The following C8orf34 variants were observed in gnomAD, a reference collection of about 807,000 sequenced individuals.
The protein encoded by C8orf34 is chromosome 8 open reading frame 34.
A neutral mutation model predicts 68.3 loss-of-function variants in C8orf34; 65 were observed. The observed-to-expected ratio is 0.95, with a 90% CI of 0.78 to 1.17. The LOEUF is 1.17. C8orf34 is among the 50% of genes most tolerant of loss of function. The probability of loss-of-function intolerance (pLI) is 0.00; values close to 1 mark genes in which losing one functional copy is unlikely to be tolerated. For missense variants in C8orf34, 664 were observed against 655.4 expected (o/e 1.01, Z -0.14); for synonymous variants, 244 against 241.2 (o/e 1.01, Z -0.11).
intron 7 of C8orf34, among the ~76,000 whole-genome samples, chr8:68,632,590 G>T (rs1389340594): frequency 6.6e-6 from 1 of 151,982 alleles, no homozygotes; most frequent in Non-Finnish European, 1.5e-5. Context: ...TACCTCCAGG[G>T]CATGTCAGAG....
At chr8:68,687,232 A>G (rs1820546612) in intron 8 of C8orf34, among the ~76,000 whole-genome samples, 2 of 151,884 alleles carry the variant, frequency 1.3e-5, no homozygotes, top group South Asian at 4.1e-4. Context: ...ATTCAAATAT[A>G]TTATTTTTCA....
chr8:68,749,862 G>A (rs564570137), intron 10 of C8orf34, among the ~76,000 whole-genome samples: 10 of 152,200 alleles, frequency 6.6e-5, no homozygotes, highest in East Asian at 1.9e-4. Context: ...CATTTTGTAC[G>A]TCTGTTCATG....
intron 4 of C8orf34, among the ~76,000 whole-genome samples, chr8:68,472,206 C>T (rs944341222): frequency 2.6e-5 from 4 of 152,092 alleles, no homozygotes; most frequent in Admixed American, 6.6e-5. Context: ...ACGAAGTAGG[C>T]ATAGTGGGTT....
intron 7 of C8orf34, among the ~76,000 whole-genome samples, chr8:68,592,352 G>C (rs1286160013): frequency 6.6e-6 from 1 of 151,812 alleles, no homozygotes; most frequent in East Asian, 1.9e-4. Flanking sequence ...TAAAGATCTT[G>C]GGCTTTTTCA....
chr8:68,411,380 C>A (rs6999119), intron 1 of C8orf34, among the ~76,000 whole-genome samples: 7,135 of 152,108 alleles, frequency 0.047, 497 homozygotes, highest in African/African-American at 0.14. Context: ...TGAAAACAAG[C>A]AGATAGGATT....
chr8:68,721,284 C>A, intron 9 of C8orf34, 77 bp from the exon 10 acceptor site: 3 of 921,676 alleles, frequency 3.3e-6, no homozygotes, highest in Non-Finnish European at 5.0e-6. Flanking sequence ...TTATTCTTCT[C>A]ACAACAGGTT....
chr8:68,479,820 T>A (rs1586226465), intron 4 of C8orf34, among the ~76,000 whole-genome samples: 1 of 152,162 alleles, frequency 6.6e-6, no homozygotes, highest in East Asian at 1.9e-4. Context: ...GAGAAATGAA[T>A]GCGCTGGTTA....
At chr8:68,787,593 T>C in intron 12 of C8orf34, 57 bp downstream of exon 12, 1 of 1,252,370 alleles carries the variant, frequency 8.0e-7, no homozygotes, top group South Asian at 1.4e-5. Flanking sequence ...AAATCCACAA[T>C]AAAGCTATTT....
chr8:68,549,184 CA>C (rs1815983660), intron 7 of C8orf34, among the ~76,000 whole-genome samples: 1 of 151,686 alleles, frequency 6.6e-6, no homozygotes, highest in South Asian at 2.1e-4. Flanking sequence ...ACCATTTTGG[CA>C]CCTTGATTTT....
chr8:68,511,246 T>A (rs77025954), intron 5 of C8orf34, among the ~76,000 whole-genome samples: 8,343 of 152,262 alleles, frequency 0.055, 244 homozygotes, highest in Middle Eastern at 0.12. Context: ...ATGGTGCGCC[T>A]CGTGGATGGA....
chr8:68,645,760 C>T (rs1819150952), intron 8 of C8orf34, among the ~76,000 whole-genome samples: 1 of 152,082 alleles, frequency 6.6e-6, no homozygotes, highest in African/African-American at 2.4e-5. Flanking sequence ...CCATCAACGA[C>T]CTAGTTAATG....
At chr8:68,516,379 T>C (rs1814514013) in intron 5 of C8orf34, among the ~76,000 whole-genome samples, 1 of 152,206 alleles carries the variant, frequency 6.6e-6, no homozygotes. Flanking sequence ...GATCTCAGCC[T>C]TCCATAAACA....
At chr8:68,761,383 C>T (rs990203019) in intron 10 of C8orf34, among the ~76,000 whole-genome samples, 1 of 152,142 alleles carries the variant, frequency 6.6e-6, no homozygotes, top group African/African-American at 2.4e-5. Flanking sequence ...TTCCTGCTCC[C>T]ACTCATATTT....
At chr8:68,616,283 T>C (rs1818210544) in intron 7 of C8orf34, among the ~76,000 whole-genome samples, 1 of 152,224 alleles carries the variant, frequency 6.6e-6, no homozygotes, top group Non-Finnish European at 1.5e-5. Flanking sequence ...TCTGTTTCTC[T>C]ATTTCCTTCA....
At chr8:68,805,938 G>A (rs1486527452) in intron 12 of C8orf34, among the ~76,000 whole-genome samples, 2 of 150,982 alleles carry the variant, frequency 1.3e-5, no homozygotes, top group Admixed American at 6.6e-5. Flanking sequence ...GCCTTTTTTG[G>A]GATAATTTTT....
intron 1 of C8orf34, among the ~76,000 whole-genome samples, chr8:68,343,585 C>A (rs1462157386): frequency 7.1e-6 from 1 of 140,754 alleles, no homozygotes; most frequent in East Asian, 2.1e-4. Flanking sequence ...ATGCTGTATG[C>A]CTAGCTAATT....
At chr8:68,381,003 G>A (rs1808007460) in intron 1 of C8orf34, among the ~76,000 whole-genome samples, 1 of 152,168 alleles carries the variant, frequency 6.6e-6, no homozygotes, top group African/African-American at 2.4e-5. Context: ...CTAGAGAAAA[G>A]AAGCTTTGAG....
intron 9 of C8orf34, among the ~76,000 whole-genome samples, chr8:68,714,771 C>T (rs937013185): frequency 6.6e-6 from 1 of 152,074 alleles, no homozygotes; most frequent in African/African-American, 2.4e-5. Flanking sequence ...CTAGGAAAGA[C>T]AATCCTAAAA....
chr8:68,444,939 T>C (rs1811059355), intron 2 of C8orf34, among the ~76,000 whole-genome samples: 1 of 152,146 alleles, frequency 6.6e-6, no homozygotes, highest in Non-Finnish European at 1.5e-5. Context: ...CAAGAATGGA[T>C]ATAGAAAGAC....
Sources: allele counts gnomAD v4.1 joint callset (sites outside exome capture counted in the v4.1 genomes callset), GRCh38; gene constraint gnomAD v4.1.1; transcripts MANE v1.5; gene names NCBI Gene and HGNC (gene_info 2026-07-23, HGNC 2026-07-21).